The following NDUFA10 variants were observed in gnomAD, a reference collection of about 807,000 sequenced individuals.
NDUFA10 encodes the protein NADH dehydrogenase [ubiquinone] 1 alpha subcomplex subunit 10, mitochondrial.
In NDUFA10, 40 loss-of-function variants were observed where a neutral mutation model predicts 47.8. That is an observed-to-expected ratio of 0.84 (90% CI 0.65 to 1.09). The LOEUF is 1.09. Among genes scored for constraint, NDUFA10 ranks in the 50% least tolerant of loss-of-function variants. NDUFA10 has a pLI of 0.00. For missense variants in NDUFA10, 413 were observed against 451.1 expected (o/e 0.92, Z 0.76); for synonymous variants, 183 against 172.2 (o/e 1.06, Z -0.49).
intron 4 of NDUFA10, among the ~76,000 whole-genome samples, chr2:239,912,058 T>C (rs10933571): frequency 0.72 from 110,046 of 152,010 alleles, 40,004 homozygotes; most frequent in South Asian, 0.81. Flanking sequence ...TCGCTGGAGG[T>C]ACACCCCTCG....
At chr2:240,002,545 T>C (rs1696769440) in intron 8 of NDUFA10, among the ~76,000 whole-genome samples, 1 of 152,022 alleles carries the variant, frequency 6.6e-6, no homozygotes, top group South Asian at 2.1e-4. Flanking sequence ...TCAATACACA[T>C]GGCCTAGCAC....
chr2:239,915,065 AAAT>A (rs1451711863), intron 4 of NDUFA10, among the ~76,000 whole-genome samples: 19 of 145,288 alleles, frequency 1.3e-4, no homozygotes, highest in Admixed American at 3.5e-4. Context: ...AGACACACAC[AAAT>A]ATACAGACAC....
rs1305337608 is a variant in NDUFA10, at chr2:240,016,577, G to A, written c.548-1717C>T. 6.6e-6 allele frequency among the ~76,000 whole-genome samples: 1 copy of A among 152,070 alleles called. No individual in the cohort carries two copies. ...TTCCCATCAGAGTCACAGCACATGT[G>A]ACACCAACAACCAACCCTCCCCACA... is the stretch of plus-strand genomic sequence containing the variant. On this transcript the variant is annotated intron_variant, in intron 4 of 9. Transcript: ENST00000252711. The surrounding 1 kb of genome is among the most constrained non-coding windows in gnomAD (Gnocchi z 4.4).
intron 4 of NDUFA10, among the ~76,000 whole-genome samples, chr2:239,908,031 A>T (rs949446619): frequency 6.6e-6 from 1 of 152,246 alleles, no homozygotes; most frequent in Non-Finnish European, 1.5e-5. Context: ...GATTAAGAAA[A>T]TGTGGTACAT....
At chr2:239,963,603 G>T (rs1357412991) in intron 9 of NDUFA10, among the ~76,000 whole-genome samples, 1 of 152,216 alleles carries the variant, frequency 6.6e-6, no homozygotes, top group East Asian at 1.9e-4. Flanking sequence ...CCCAGGGAAG[G>T]TAAGTGTCCG....
rs1227020563 is a variant in NDUFA10 at position 240,001,572 on chromosome 2, C to T, written c.890+3638G>A. The stretch of plus-strand genomic sequence containing the variant: ...GTGACAGGTGAGTGGCTGAGTCCCT[C>T]TCAAGGGATCCTTCTGACCTGGTTA... On this transcript the variant is annotated intron_variant, in intron 8 of 9. Coordinates refer to ENST00000252711, the MANE Select transcript of NDUFA10 (RefSeq NM_004544.4). 2.0e-5 allele frequency among the ~76,000 whole-genome samples: 3 copies of T among 152,364 alleles called. No individual in the cohort carries two copies. In the East Asian group the frequency reaches 5.8e-4, roughly 29 times the overall value.
At chr2:239,979,725 A>T (rs1327243348) in intron 9 of NDUFA10, among the ~76,000 whole-genome samples, 1 of 152,022 alleles carries the variant, frequency 6.6e-6, no homozygotes, top group Non-Finnish European at 1.5e-5. Context: ...TGGCAAGCAG[A>T]GCAACCCTTT....
At chr2:239,921,926 GTCCT>G (rs1360768808) in intron 4 of NDUFA10, among the ~76,000 whole-genome samples, 1 of 148,246 alleles carries the variant, frequency 6.7e-6, no homozygotes, top group Non-Finnish European at 1.5e-5. Flanking sequence ...CCATTTTTCT[GTCCT>G]TCCTTCCTTC....
intron 4 of NDUFA10, among the ~76,000 whole-genome samples, chr2:239,951,843 C>T (rs1694558800): frequency 6.6e-6 from 1 of 152,258 alleles, no homozygotes; most frequent in African/African-American, 2.4e-5. Flanking sequence ...CCGAGGCCTC[C>T]GGCCTGGCCA....
chr2:239,964,839 A>C (rs1694996352), intron 9 of NDUFA10, among the ~76,000 whole-genome samples: 1 of 152,246 alleles, frequency 6.6e-6, no homozygotes, highest in Non-Finnish European at 1.5e-5. Context: ...GACCAACTGC[A>C]GAATTAAGCC....
intron 4 of NDUFA10, among the ~76,000 whole-genome samples, chr2:239,952,035 C>G (rs974051096): frequency 3.3e-5 from 5 of 151,826 alleles, no homozygotes; most frequent in Admixed American, 3.3e-4. Context: ...GGGCCAAAGG[C>G]TGCTGCCTGA....
chr2:239,993,943 A>T (rs1329056595), intron 8 of NDUFA10, among the ~76,000 whole-genome samples: 2 of 152,122 alleles, frequency 1.3e-5, no homozygotes, highest in African/African-American at 4.8e-5. Flanking sequence ...CAGAGGATGC[A>T]GAGAGCAGCA....
chr2:240,024,725 C>T (rs936882933), intron 1 of NDUFA10, among the ~76,000 whole-genome samples: 17 of 152,176 alleles, frequency 1.1e-4, no homozygotes, highest in African/African-American at 4.1e-4. Context: ...ATGTATGAAA[C>T]GATTTCACTG....
intron 4 of NDUFA10, among the ~76,000 whole-genome samples, chr2:239,904,982 T>C (rs905830580): frequency 6.6e-6 from 1 of 152,220 alleles, no homozygotes; most frequent in Non-Finnish European, 1.5e-5. Context: ...TATAGACACC[T>C]GTCATTGGGA....
In NDUFA10 at chr2:239,957,375, C is replaced by T. The variant is rs746117958; in HGVS notation, c.*3743G>A. 1 of 152,158 alleles carries T rather than the reference C, an allele frequency of 6.6e-6. No homozygotes were observed. Among genetic ancestry groups the T allele is most frequent in the African/African-American group, 2.4e-5 (1 of 41,432 alleles). The allele number at this position is 152,158 out of a possible 1,614,324, so 9.4% of individuals were successfully genotyped here. On this transcript the variant is annotated 3_prime_UTR_variant, in exon 10 of 10. Coordinates refer to ENST00000252711, the MANE Select transcript of NDUFA10 (RefSeq NM_004544.4). ...TTAATATAATCACCAGGTATAGTCTCATTAAAAACATGTTTATTCAATGAA... is the reference window on the plus strand; with the variant it reads ...TTAATATAATCACCAGGTATAGTCTTATTAAAAACATGTTTATTCAATGAA...
intron 9 of NDUFA10, among the ~76,000 whole-genome samples, chr2:239,963,470 G>C (rs1694937603): frequency 6.6e-6 from 1 of 152,236 alleles, no homozygotes; most frequent in African/African-American, 2.4e-5. Context: ...GTTGTGACCT[G>C]TGTCAGACGG....
intron 9 of NDUFA10, among the ~76,000 whole-genome samples, chr2:239,967,889 G>C (rs1695140700): frequency 6.6e-6 from 1 of 151,948 alleles, no homozygotes; most frequent in South Asian, 2.1e-4. Context: ...TTTCTCCCAG[G>C]CTCTTCTCTT....
chr2:239,894,984 C>A (rs13419845), intron 5 of NDUFA10, among the ~76,000 whole-genome samples: 4 of 152,066 alleles, frequency 2.6e-5, no homozygotes, highest in African/African-American at 4.8e-5. Flanking sequence ...TAAAGACACC[C>A]CATCCACCCA....
intron 4 of NDUFA10, among the ~76,000 whole-genome samples, chr2:239,914,631 ACAG>A (rs1693813412): frequency 7.5e-6 from 1 of 132,702 alleles, no homozygotes. Flanking sequence ...ACATACACAC[ACAG>A]AACACACACA....
Sources: allele counts gnomAD v4.1 joint callset (sites outside exome capture counted in the v4.1 genomes callset), GRCh38; gene constraint gnomAD v4.1.1; non-coding constraint Gnocchi (gnomAD v3.1); transcripts MANE v1.5; gene names NCBI Gene and HGNC (gene_info 2026-07-23, HGNC 2026-07-21).